Variants in OPCML observed in about 807,000 individuals in gnomAD.
The protein encoded by OPCML is opioid-binding protein/cell adhesion molecule.
A neutral mutation model predicts 37.8 loss-of-function variants in OPCML; 13 were observed. The observed-to-expected ratio is 0.34, with a 90% confidence interval of 0.22 to 0.55. OPCML has a LOEUF of 0.55. Ranked by LOEUF, OPCML falls within the 20% of genes least tolerant of loss-of-function variation. The probability of loss-of-function intolerance (pLI) is 0.91; values close to 1 mark genes in which losing one functional copy is unlikely to be tolerated. For missense variants in OPCML, 341 were observed against 435.6 expected, an observed-to-expected ratio of 0.78 and a Z score of 1.93; for synonymous variants, 176 against 168.8, an observed-to-expected ratio of 1.04 and a Z score of -0.33.
chr11:133,430,480 C>A (rs924266845), intron 1 of OPCML, among the ~76,000 whole-genome samples: 4 of 151,858 alleles, frequency 2.6e-5, no homozygotes, highest in East Asian at 1.9e-4. Flanking sequence ...CACTTACAGA[C>A]AATATAGGTG....
intron 1 of OPCML, among the ~76,000 whole-genome samples, chr11:133,041,286 C>T (rs1027887513): frequency 3.3e-5 from 5 of 152,188 alleles, no homozygotes; most frequent in African/African-American, 1.2e-4. Context: ...AGCTTTGGCC[C>T]ACAGTAAGTG....
At chr11:132,587,218 G>A (rs934983603) in intron 3 of OPCML, among the ~76,000 whole-genome samples, 6 of 152,172 alleles carry the variant, frequency 3.9e-5, no homozygotes, top group African/African-American at 1.4e-4. Flanking sequence ...GATTCTGAGG[G>A]GTTTGCAAAA....
intron 1 of OPCML, among the ~76,000 whole-genome samples, chr11:133,047,544 G>A (rs902055500): frequency 1.3e-5 from 2 of 152,104 alleles, no homozygotes; most frequent in African/African-American, 4.8e-5. Flanking sequence ...ATAACACCCA[G>A]CTGTGGATGG....
intron 2 of OPCML, among the ~76,000 whole-genome samples, chr11:132,770,010 G>A (rs1392169788): frequency 2.0e-5 from 3 of 152,108 alleles, no homozygotes; most frequent in Non-Finnish European, 2.9e-5. Context: ...GCGACTCTGG[G>A]GAAGGTAAGG....
chr11:133,293,051 T>G (rs551259197), intron 1 of OPCML, among the ~76,000 whole-genome samples: 1 of 152,290 alleles, frequency 6.6e-6, no homozygotes, highest in East Asian at 1.9e-4. Context: ...AATGGAGATA[T>G]GCAGAACTGA....
chr11:133,417,992 C>T (rs1288187692), intron 1 of OPCML: 9 of 837,510 alleles, frequency 1.1e-5, no homozygotes, highest in East Asian at 2.5e-4. Context: ...TTGTTCCTTG[C>T]GAGACGTAGG....
At chr11:133,197,617 G>C (rs1010161622) in intron 1 of OPCML, among the ~76,000 whole-genome samples, 1 of 152,140 alleles carries the variant, frequency 6.6e-6, no homozygotes. Context: ...TCTTTAGGTT[G>C]GTCATGGAAC....
At chr11:132,506,765 A>G (rs1015166473) in intron 4 of OPCML, among the ~76,000 whole-genome samples, 1 of 152,198 alleles carries the variant, frequency 6.6e-6, no homozygotes, top group Non-Finnish European at 1.5e-5. Flanking sequence ...AGAGGATAAA[A>G]TCAAAGAAAA....
At chr11:132,557,868 G>A (rs2096399494) in intron 3 of OPCML, among the ~76,000 whole-genome samples, 1 of 152,040 alleles carries the variant, frequency 6.6e-6, no homozygotes, top group Admixed American at 6.5e-5. Flanking sequence ...GCAACATTGT[G>A]GTCTTTTAGA....
intron 1 of OPCML, among the ~76,000 whole-genome samples, chr11:133,125,075 T>C (rs1257063713): frequency 1.3e-5 from 2 of 152,164 alleles, no homozygotes; most frequent in East Asian, 3.9e-4. Flanking sequence ...GGAATGGCGA[T>C]TGTAATCACT....
intron 1 of OPCML, among the ~76,000 whole-genome samples, chr11:133,402,785 T>C (rs920031592): frequency 2.0e-5 from 3 of 152,164 alleles, no homozygotes; most frequent in Non-Finnish European, 2.9e-5. Context: ...CCGTATGGTT[T>C]CTGCCCTGCC....
chr11:133,232,181 C>G (rs1007765357), intron 1 of OPCML, among the ~76,000 whole-genome samples: 7 of 152,056 alleles, frequency 4.6e-5, no homozygotes, highest in Admixed American at 2.0e-4. Flanking sequence ...CCCAGTGGCT[C>G]CCCAGATGTC....
At chr11:132,779,058 C>T (rs1262526519) in intron 2 of OPCML, among the ~76,000 whole-genome samples, 1 of 147,942 alleles carries the variant, frequency 6.8e-6, no homozygotes, top group African/African-American at 2.5e-5. Flanking sequence ...ACCTCCACCT[C>T]GGGGGTTCAA....
intron 1 of OPCML, among the ~76,000 whole-genome samples, chr11:133,030,573 T>C (rs1171138289): frequency 1.3e-5 from 2 of 152,172 alleles, no homozygotes; most frequent in African/African-American, 4.8e-5. Context: ...ACCACAAGAA[T>C]GAAGTGCAAG....
intron 2 of OPCML, among the ~76,000 whole-genome samples, chr11:132,677,363 C>T (rs1942755273): frequency 6.6e-6 from 1 of 151,984 alleles, no homozygotes; most frequent in South Asian, 2.1e-4. Context: ...AATTAAAATC[C>T]CTGAAAGCTA....
chr11:132,817,100 G>A (rs1001394978), intron 2 of OPCML: 1 of 152,382 alleles, frequency 6.6e-6, no homozygotes, highest in African/African-American at 2.4e-5. Flanking sequence ...CACTTGTAAA[G>A]ATGATGGATG....
chr11:133,364,756 G>C (rs1944501664), intron 1 of OPCML, among the ~76,000 whole-genome samples: 1 of 152,050 alleles, frequency 6.6e-6, no homozygotes, highest in African/African-American at 2.4e-5. Context: ...CTGGCACTTA[G>C]TGAGAACTCT....
At chr11:132,509,584 T>G (rs1349748715) in intron 4 of OPCML, among the ~76,000 whole-genome samples, 2 of 152,178 alleles carry the variant, frequency 1.3e-5, no homozygotes, top group Non-Finnish European at 2.9e-5. Flanking sequence ...GTGTCGCAGC[T>G]GAGCCACTGT....
At chr11:132,514,187 A>AAT (rs1292963478) in intron 4 of OPCML, among the ~76,000 whole-genome samples, 1 of 152,170 alleles carries the variant, frequency 6.6e-6, no homozygotes, top group Non-Finnish European at 1.5e-5. Flanking sequence ...CATGTCAATA[A>AAT]ATTTAAAGGA....
Sources: allele counts gnomAD v4.1 joint callset (sites outside exome capture counted in the v4.1 genomes callset), GRCh38; gene constraint gnomAD v4.1.1; transcripts MANE v1.5; gene names NCBI Gene and HGNC (gene_info 2026-07-23, HGNC 2026-07-21).